NXPH2: variants seen among roughly 807,000 people sequenced by gnomAD.
NXPH2 encodes neurexophilin-2.
Under a neutral mutation model 19.8 loss-of-function variants are expected in NXPH2, and 5 were observed. That is an observed-to-expected ratio of 0.25 (90% CI 0.13 to 0.53). The LOEUF is 0.53. Ranked by LOEUF, NXPH2 falls within the 20% of genes least tolerant of loss-of-function variation. The probability of loss-of-function intolerance (pLI) is 0.96; values close to 1 mark genes in which losing one functional copy is unlikely to be tolerated. For synonymous variants in NXPH2, 154 were observed against 127.4 expected (o/e 1.21, Z -1.41); for missense variants, 289 against 322.8 (o/e 0.90, Z 0.80).
chr2:138,764,942 T>C (rs1682069126), intron 1 of NXPH2, among the ~76,000 whole-genome samples: 1 of 152,178 alleles, frequency 6.6e-6, no homozygotes, highest in Admixed American at 6.5e-5. Flanking sequence ...TGAATGCAAG[T>C]ATTAACAAAA....
At chr2:138,705,332 T>C in intron 1 of NXPH2, among the ~76,000 whole-genome samples, 1 of 152,254 alleles carries the variant, frequency 6.6e-6, no homozygotes, top group Admixed American at 6.5e-5. Context: ...GGAATTCTCA[T>C]ATTAAATATA....
At chr2:138,717,383 A>G (rs1681210412) in intron 1 of NXPH2, among the ~76,000 whole-genome samples, 1 of 151,856 alleles carries the variant, frequency 6.6e-6, no homozygotes, top group African/African-American at 2.4e-5. Context: ...CAGGTAACTT[A>G]TAAGCAACAG....
At chr2:138,739,681 C>T (rs904766407) in intron 1 of NXPH2, among the ~76,000 whole-genome samples, 1 of 152,150 alleles carries the variant, frequency 6.6e-6, no homozygotes, top group African/African-American at 2.4e-5. Flanking sequence ...TTGATGGAAG[C>T]CATCTGCTCT....
chr2:138,708,493 A>G (rs1411320904), intron 1 of NXPH2, among the ~76,000 whole-genome samples: 2 of 152,244 alleles, frequency 1.3e-5, no homozygotes, highest in Non-Finnish European at 2.9e-5. Context: ...GCATTCACTG[A>G]AAACTATTAA....
chr2:138,685,239 C>T (rs1258241016), intron 1 of NXPH2, among the ~76,000 whole-genome samples: 1 of 152,216 alleles, frequency 6.6e-6, no homozygotes, highest in African/African-American at 2.4e-5. Context: ...GCTTGCTGAT[C>T]TGCCTATGGA....
chr2:138,768,270 A>G (rs1682123503), intron 1 of NXPH2, among the ~76,000 whole-genome samples: 1 of 152,134 alleles, frequency 6.6e-6, no homozygotes, highest in Non-Finnish European at 1.5e-5. Flanking sequence ...ATCTATGACT[A>G]TTTATGAGTG....
At chr2:138,702,244 G>T (rs1206150124) in intron 1 of NXPH2, among the ~76,000 whole-genome samples, 1 of 152,098 alleles carries the variant, frequency 6.6e-6, no homozygotes, top group Non-Finnish European at 1.5e-5. Context: ...AGCCTTCTGA[G>T]GAGCTGGATC....
chr2:138,716,840 C>A (rs1314102207), intron 1 of NXPH2, among the ~76,000 whole-genome samples: 1 of 152,164 alleles, frequency 6.6e-6, no homozygotes, highest in Non-Finnish European at 1.5e-5. Context: ...GATCAAATCA[C>A]CTCATCTTTC....
chr2:138,681,382 T>A (rs1680577857), intron 1 of NXPH2, among the ~76,000 whole-genome samples: 1 of 152,244 alleles, frequency 6.6e-6, no homozygotes, highest in South Asian at 2.1e-4. Flanking sequence ...GAGGCATCTA[T>A]ACTTTAAGAG....
intron 1 of NXPH2, among the ~76,000 whole-genome samples, chr2:138,727,106 T>C (rs1455333496): frequency 6.6e-6 from 1 of 152,208 alleles, no homozygotes; most frequent in African/African-American, 2.4e-5. Context: ...TTTCATAACT[T>C]GATGGTTCAT....
intron 1 of NXPH2, among the ~76,000 whole-genome samples, chr2:138,681,413 T>C (rs1431958900): frequency 6.6e-6 from 1 of 152,234 alleles, no homozygotes; most frequent in Non-Finnish European, 1.5e-5. Context: ...GATTTCTGTG[T>C]TTATACTCAA....
chr2:138,671,601 G>A lies in NXPH2; in HGVS notation c.116C>T (p.Ala39Val). Residue 39 changes from alanine (A) to valine (V), a missense_variant, in exon 2 of 2, where the codon GCT (alanine) becomes GTT (valine). By Grantham distance (64) the Ala-to-Val change is moderately conservative (BLOSUM62 0). Transcript: ENST00000272641. ...CACGTTGCCGACCAACGTCCCTGGAGCATCTTTGTCTTCCCAATCCAGCCC... is the reference window on the plus strand; with the variant it reads ...CACGTTGCCGACCAACGTCCCTGGAACATCTTTGTCTTCCCAATCCAGCCC... ...TEGLDWEDKD[A>V]PGTLVGNVVH... 1 of 1,610,682 alleles carries A rather than the reference G, an allele frequency of 6.2e-7. No homozygotes were observed. Among genetic ancestry groups the A allele is most frequent in the Non-Finnish European group, 8.5e-7 (1 of 1,178,460 alleles).
At position 138,710,523 on chromosome 2, in the gene NXPH2, C is replaced by T. The variant is rs749824308; in HGVS notation, c.52-38858G>A. On this transcript the variant is annotated intron_variant, in intron 1 of 1. Coordinates refer to ENST00000272641, the MANE Select transcript of NXPH2 (RefSeq NM_007226.3). ...CAACTCCACTATTTTACATTCCCAC[C>T]AACAACACACAAGGGTTCCAGTTTG... Among the ~76,000 whole-genome samples, 148 of 152,212 alleles carry T rather than the reference C, an allele frequency of 9.7e-4. 2 individuals are homozygous for T. The highest frequency in any genetic ancestry group is 3.4e-3 in the Middle Eastern group (1 of 292).
chr2:138,738,876 G>C (rs1330493876), intron 1 of NXPH2, among the ~76,000 whole-genome samples: 1 of 152,184 alleles, frequency 6.6e-6, no homozygotes, highest in African/African-American at 2.4e-5. Flanking sequence ...CAGCTTCTTT[G>C]GAGGTGGACA....
intron 1 of NXPH2, among the ~76,000 whole-genome samples, chr2:138,687,383 G>A (rs971889670): frequency 2.0e-5 from 3 of 152,098 alleles, no homozygotes; most frequent in East Asian, 1.9e-4. Context: ...ATACTTCACC[G>A]TCTTTTTGAT....
At chr2:138,734,425 A>T (rs1681504259) in intron 1 of NXPH2, among the ~76,000 whole-genome samples, 1 of 152,246 alleles carries the variant, frequency 6.6e-6, no homozygotes, top group Non-Finnish European at 1.5e-5. Context: ...CTCATGCATA[A>T]TTTAGAGAGA....
intron 1 of NXPH2, among the ~76,000 whole-genome samples, chr2:138,779,974 C>G (rs1234886951): frequency 3.9e-5 from 6 of 152,176 alleles, no homozygotes; most frequent in African/African-American, 1.4e-4. Context: ...AGTCCCAACC[C>G]GTGCTAAGCC....
At chr2:138,770,582 G>T (rs1682161711) in intron 1 of NXPH2, among the ~76,000 whole-genome samples, 1 of 151,662 alleles carries the variant, frequency 6.6e-6, no homozygotes. Context: ...TAAAATCCAG[G>T]GGAATCAAAT....
At chr2:138,743,580 G>A (rs1269879077) in intron 1 of NXPH2, among the ~76,000 whole-genome samples, 3 of 152,128 alleles carry the variant, frequency 2.0e-5, no homozygotes, top group East Asian at 1.9e-4. Flanking sequence ...TTTGGGAGAC[G>A]AAATGTTGTA....
Sources: allele counts gnomAD v4.1 joint callset (sites outside exome capture counted in the v4.1 genomes callset), GRCh38; gene constraint gnomAD v4.1.1; transcripts MANE v1.5; gene names NCBI Gene and HGNC (gene_info 2026-07-23, HGNC 2026-07-21).